Variants in SRPK2 observed in about 807,000 individuals in gnomAD.
The protein encoded by SRPK2 is SFRS protein kinase 2.
Under a neutral mutation model 90.8 loss-of-function variants are expected in SRPK2, and 21 were observed. That is an observed-to-expected ratio of 0.23 (90% CI 0.16 to 0.33). The LOEUF (loss-of-function observed/expected upper bound fraction) is 0.33. SRPK2 is among the 10% of genes least tolerant of loss of function. SRPK2 has a pLI of 1.00. For missense variants in SRPK2, 620 were observed against 869.0 expected (o/e 0.71, Z 3.60); for synonymous variants, 288 against 311.1 (o/e 0.93, Z 0.78).
At chr7:105,131,359 T>C (rs1453045561) in intron 13 of SRPK2, among the ~76,000 whole-genome samples, 2 of 152,168 alleles carry the variant, frequency 1.3e-5, no homozygotes, top group Non-Finnish European at 2.9e-5. Flanking sequence ...CAAATGCCTC[T>C]CCACACAGCA....
intron 2 of SRPK2, among the ~76,000 whole-genome samples, chr7:105,373,254 CTAATGA>C (rs1819898908): frequency 1.3e-5 from 2 of 151,954 alleles, no homozygotes; most frequent in Admixed American, 1.3e-4. Context: ...GATACTAATG[CTAATGA>C]TATCTGAAGG....
At chr7:105,375,591 G>A (rs1293924399) in intron 2 of SRPK2, among the ~76,000 whole-genome samples, 5 of 152,278 alleles carry the variant, frequency 3.3e-5, no homozygotes, top group East Asian at 3.9e-4. Context: ...GGACAGAGAA[G>A]TCAACACACT....
At chr7:105,376,525 C>G (rs1160032189) in intron 2 of SRPK2, among the ~76,000 whole-genome samples, 1 of 151,476 alleles carries the variant, frequency 6.6e-6, no homozygotes, top group Non-Finnish European at 1.5e-5. Context: ...TCCTTGCCAT[C>G]CTTTTTTTCT....
At chr7:105,157,422 C>T (rs376650036) in intron 7 of SRPK2, among the ~76,000 whole-genome samples, 46 of 152,144 alleles carry the variant, frequency 3.0e-4, no homozygotes, top group South Asian at 8.3e-4. Flanking sequence ...TAGTACTACC[C>T]GGGAGAAAGA....
At chr7:105,284,881 G>C (rs942121818) in intron 2 of SRPK2, among the ~76,000 whole-genome samples, 4 of 152,126 alleles carry the variant, frequency 2.6e-5, no homozygotes, top group Non-Finnish European at 4.4e-5. Flanking sequence ...CTGTTTGTGA[G>C]GTTTCCCACA....
At chr7:105,393,597 G>A (rs13223001), upstream of SRPK2, among the ~76,000 whole-genome samples, 28,223 of 150,884 alleles carry the variant, frequency 0.19, 3,343 homozygotes, top group East Asian at 0.58. Flanking sequence ...GTTTTCAGAG[G>A]ACAGGGTCTC....
At chr7:105,389,794 A>G (rs751412661), upstream of SRPK2, among the ~76,000 whole-genome samples, 3 of 152,198 alleles carry the variant, frequency 2.0e-5, no homozygotes, top group Non-Finnish European at 4.4e-5. Flanking sequence ...GATAACTGCA[A>G]TGTTCTCTTA....
chr7:105,233,071 G>GA (rs1799659333), intron 2 of SRPK2, among the ~76,000 whole-genome samples: 1 of 140,240 alleles, frequency 7.1e-6, no homozygotes, highest in Non-Finnish European at 1.6e-5. Context: ...AGCAAGGAAG[G>GA]AAGGAAGGAA....
At chr7:105,288,858 C>T (rs139990264) in intron 2 of SRPK2, among the ~76,000 whole-genome samples, 148 of 152,202 alleles carry the variant, frequency 9.7e-4, no homozygotes, top group African/African-American at 3.5e-3. Flanking sequence ...TAGACACTGA[C>T]TTAGGAAGCT....
intron 2 of SRPK2, among the ~76,000 whole-genome samples, chr7:105,346,993 C>T (rs886274518): frequency 6.6e-6 from 1 of 151,402 alleles, no homozygotes; most frequent in African/African-American, 2.4e-5. Context: ...TAAAATATTG[C>T]ACACTGCCCG....
chr7:105,239,450 C>T (rs1008271516), intron 2 of SRPK2, among the ~76,000 whole-genome samples: 8 of 152,214 alleles, frequency 5.3e-5, no homozygotes, highest in Non-Finnish European at 1.5e-5. Context: ...CCTAAATTAT[C>T]AAGGTATCAC....
chr7:105,199,346 CAG>C (rs748361159), intron 3 of SRPK2, among the ~76,000 whole-genome samples: 4 of 152,004 alleles, frequency 2.6e-5, no homozygotes, highest in African/African-American at 9.7e-5. Flanking sequence ...TAATTGAGGG[CAG>C]AGACTCTCCA....
intron 7 of SRPK2, among the ~76,000 whole-genome samples, chr7:105,154,950 G>C (rs1806280563): frequency 1.3e-5 from 2 of 151,862 alleles, no homozygotes; most frequent in African/African-American, 4.8e-5. Flanking sequence ...TGGGATTACA[G>C]GTGTGAGCCA....
At chr7:105,380,629 T>C (rs1377929274) in intron 2 of SRPK2, among the ~76,000 whole-genome samples, 1 of 150,840 alleles carries the variant, frequency 6.6e-6, no homozygotes, top group African/African-American at 2.4e-5. Context: ...GTTCAAGCAA[T>C]TCTCCCGCCT....
intron 2 of SRPK2, among the ~76,000 whole-genome samples, chr7:105,293,118 C>T (rs182715777): frequency 1.6e-4 from 25 of 152,016 alleles, no homozygotes; most frequent in Non-Finnish European, 2.4e-4. Context: ...GCAAACATGG[C>T]GAAACCCCAT....
At chr7:105,181,565 G>T (rs1792813575) in intron 3 of SRPK2, among the ~76,000 whole-genome samples, 1 of 152,130 alleles carries the variant, frequency 6.6e-6, no homozygotes, top group Non-Finnish European at 1.5e-5. Flanking sequence ...TCCGCTGCAG[G>T]AACATGGATG....
At chr7:105,138,732 G>A (rs1412436025) in intron 11 of SRPK2, among the ~76,000 whole-genome samples, 1 of 152,222 alleles carries the variant, frequency 6.6e-6, no homozygotes. Context: ...CCAGAAAGCA[G>A]AGGTTGCAGT....
chr7:105,292,900 A>G (rs1435218466), intron 2 of SRPK2, among the ~76,000 whole-genome samples: 2 of 152,222 alleles, frequency 1.3e-5, no homozygotes. Flanking sequence ...TTCCATTGCC[A>G]TAGTACATCT....
intron 7 of SRPK2, among the ~76,000 whole-genome samples, chr7:105,153,444 G>A (rs1806029289): frequency 6.6e-6 from 1 of 151,948 alleles, no homozygotes; most frequent in South Asian, 2.1e-4. Context: ...ACTGGTCTTC[G>A]CAACACAAAT....
Sources: gnomAD v4.1 joint callset for allele counts (sites outside exome capture counted in the v4.1 genomes callset) on GRCh38, gnomAD v4.1.1 for gene constraint, MANE v1.5 for transcripts, NCBI Gene and HGNC (gene_info 2026-07-23, HGNC 2026-07-21) for gene names.